Variants in DLGAP2 observed in about 807,000 individuals in gnomAD.
DLGAP2 encodes disks large-associated protein 2.
A neutral mutation model predicts 100.3 loss-of-function variants in DLGAP2; 26 were observed. That is an observed-to-expected ratio of 0.26 (90% CI 0.19 to 0.36). DLGAP2 has a LOEUF of 0.36. Ranked by LOEUF, DLGAP2 falls within the 10% of genes least tolerant of loss-of-function variation. DLGAP2 has a pLI of 1.00. For missense variants in DLGAP2, 1,858 were observed against 1,453.2 expected, an observed-to-expected ratio of 1.28 and a Z score of -4.53; for synonymous variants, 886 against 630.1, an observed-to-expected ratio of 1.41 and a Z score of -6.08.
At chr8:1,605,465 T>C (rs1336475985) in intron 6 of DLGAP2, among the ~76,000 whole-genome samples, 1 of 152,188 alleles carries the variant, frequency 6.6e-6, no homozygotes, top group African/African-American at 2.4e-5. Context: ...CACAAGAGTC[T>C]CTGGTGAATG....
chr8:1,417,367 G>T (rs916348565), intron 3 of DLGAP2, among the ~76,000 whole-genome samples: 1 of 152,120 alleles, frequency 6.6e-6, no homozygotes, highest in Non-Finnish European at 1.5e-5. Context: ...GAAGCTAGCA[G>T]CACTGTCACT....
chr8:1,351,080 A>C (rs1191118372), intron 3 of DLGAP2, among the ~76,000 whole-genome samples: 20 of 22,700 alleles, frequency 8.8e-4, no homozygotes, highest in Admixed American at 1.8e-3. Context: ...GTGTGTGGAA[A>C]CACCGTGCGG....
At chr8:794,865 G>A (rs2132644579) in intron 1 of DLGAP2, among the ~76,000 whole-genome samples, 1 of 152,294 alleles carries the variant, frequency 6.6e-6, no homozygotes. Context: ...GCTGGCCTGT[G>A]GGTGGCGGGT....
chr8:1,235,684 C>G lies in DLGAP2; in HGVS notation c.74-23167C>G, dbSNP rs368286352. On this transcript the variant is annotated intron_variant, in intron 2 of 14. Transcript: ENST00000637795. The stretch of plus-strand genomic sequence containing the variant: ...CATCATGTCTAGTTCTCTCACATGG[C>G]GCCATGTCTAGTTCTCTCACATGGC... Among the ~76,000 whole-genome samples the G allele has an allele frequency of 1.7e-4, 5 of 29,346 alleles. 2 individuals carry two copies. Among genetic ancestry groups the G allele is most frequent in the African/African-American group, 1.0e-3 (5 of 4,810 alleles). The allele number at this position is 29,346 out of a possible 152,430, so 19.3% of individuals were successfully genotyped here.
At chr8:1,040,250 G>C (rs1802294488) in intron 2 of DLGAP2, among the ~76,000 whole-genome samples, 1 of 138,932 alleles carries the variant, frequency 7.2e-6, no homozygotes, top group African/African-American at 2.5e-5. Context: ...GGTCAGCTCG[G>C]TTTCCATGGT....
At chr8:1,409,506 G>C (rs1401679501) in intron 3 of DLGAP2, among the ~76,000 whole-genome samples, 2 of 152,352 alleles carry the variant, frequency 1.3e-5, no homozygotes, top group East Asian at 3.9e-4. Context: ...GAAGAGAGCT[G>C]GGTGTGACGA....
intron 2 of DLGAP2, among the ~76,000 whole-genome samples, chr8:916,664 A>T (rs983728748): frequency 6.6e-6 from 1 of 152,230 alleles, no homozygotes; most frequent in African/African-American, 2.4e-5. Context: ...AATAAAAAAA[A>T]TTAAAGAAAA....
At chr8:989,657 C>G (rs534799080) in intron 2 of DLGAP2, among the ~76,000 whole-genome samples, 2 of 152,280 alleles carry the variant, frequency 1.3e-5, no homozygotes, top group South Asian at 2.1e-4. Context: ...TCTGCTCCAT[C>G]TGGAACCTGA....
At chr8:1,309,769 C>A (rs1800570467) in intron 3 of DLGAP2, among the ~76,000 whole-genome samples, 1 of 152,236 alleles carries the variant, frequency 6.6e-6, no homozygotes, top group Non-Finnish European at 1.5e-5. Context: ...AAGTGTACGT[C>A]TATGTTACCG....
At chr8:908,757 G>A (rs529521371) in intron 2 of DLGAP2, among the ~76,000 whole-genome samples, 2 of 152,288 alleles carry the variant, frequency 1.3e-5, no homozygotes, top group East Asian at 1.9e-4. Flanking sequence ...CGTGTGAGGG[G>A]CTCTGCAAGC....
At chr8:1,551,309 A>G (rs1023755553) in intron 5 of DLGAP2, among the ~76,000 whole-genome samples, 3 of 152,186 alleles carry the variant, frequency 2.0e-5, no homozygotes, top group Non-Finnish European at 4.4e-5. Flanking sequence ...CTGTCTCCTC[A>G]TTGTCACAGA....
At chr8:923,633 A>G (rs1184935361) in intron 2 of DLGAP2, among the ~76,000 whole-genome samples, 2 of 152,210 alleles carry the variant, frequency 1.3e-5, no homozygotes, top group Non-Finnish European at 2.9e-5. Context: ...TCAGGATTGC[A>G]TTTTACCAGT....
intron 2 of DLGAP2, among the ~76,000 whole-genome samples, chr8:943,431 G>C (rs528853744): frequency 6.6e-6 from 1 of 152,396 alleles, no homozygotes; most frequent in East Asian, 1.9e-4. Context: ...CCGCGTGTCT[G>C]GTGGCTGCTC....
intron 7 of DLGAP2, among the ~76,000 whole-genome samples, chr8:1,632,445 G>C (rs1180157693): frequency 6.6e-6 from 1 of 152,158 alleles, no homozygotes; most frequent in Non-Finnish European, 1.5e-5. Flanking sequence ...AGCTTGGAAA[G>C]GGGGGGCCGT....
At chr8:1,222,885 A>C (rs1017794123) in intron 2 of DLGAP2, among the ~76,000 whole-genome samples, 2 of 152,132 alleles carry the variant, frequency 1.3e-5, no homozygotes, top group South Asian at 2.1e-4. Context: ...GCTGCATCCC[A>C]GGAGCCGGCC....
chr8:1,291,523 C>T (rs1268372543), intron 3 of DLGAP2, among the ~76,000 whole-genome samples: 1 of 152,200 alleles, frequency 6.6e-6, no homozygotes. Flanking sequence ...AAGCCCATGA[C>T]ACAGAGGGTT....
intron 3 of DLGAP2, among the ~76,000 whole-genome samples, chr8:1,288,159 T>C (rs1451458035): frequency 7.3e-6 from 1 of 136,316 alleles, no homozygotes; most frequent in Admixed American, 7.3e-5. Context: ...TGTGTGTGTG[T>C]TTCTGTTAGG....
intron 2 of DLGAP2, among the ~76,000 whole-genome samples, chr8:1,163,760 G>A (rs559861693): frequency 1.3e-5 from 2 of 152,326 alleles, no homozygotes; most frequent in Admixed American, 6.5e-5. Context: ...GCGGGTGCAG[G>A]ACTTTCCTGC....
chr8:1,113,976 T>C (rs1186818217), intron 2 of DLGAP2, among the ~76,000 whole-genome samples: 1 of 152,208 alleles, frequency 6.6e-6, no homozygotes, highest in East Asian at 1.9e-4. Flanking sequence ...TGTCTTTAGT[T>C]CTGTTTATGT....
Sources: allele counts gnomAD v4.1 joint callset (sites outside exome capture counted in the v4.1 genomes callset), GRCh38; gene constraint gnomAD v4.1.1; transcripts MANE v1.5; gene names NCBI Gene and HGNC (gene_info 2026-07-23, HGNC 2026-07-21).